CNTN5: variants seen among roughly 807,000 people sequenced by gnomAD.
CNTN5 encodes the protein contactin-5.
A neutral mutation model predicts 129.1 loss-of-function variants in CNTN5; 77 were observed. The ratio of observed to expected loss-of-function variants is 0.60; its 90% CI spans 0.50 to 0.72. CNTN5 has a LOEUF of 0.72. Ranked by LOEUF, CNTN5 falls within the 30% of genes least tolerant of loss-of-function variation. CNTN5 has a pLI of 0.00. For missense variants in CNTN5, 1,478 were observed against 1,328.8 expected (o/e 1.11, Z -1.75); for synonymous variants, 509 against 465.6 (o/e 1.09, Z -1.20).
chr11:100,062,909 T>C (rs1406890609), intron 10 of CNTN5, among the ~76,000 whole-genome samples: 1 of 152,158 alleles, frequency 6.6e-6, no homozygotes, highest in Non-Finnish European at 1.5e-5. Context: ...CAAAGATTAA[T>C]GTTAAAATAC....
chr11:99,498,893 A>T (rs1946326948), intron 2 of CNTN5, among the ~76,000 whole-genome samples: 1 of 152,148 alleles, frequency 6.6e-6, no homozygotes, highest in African/African-American at 2.4e-5. Context: ...TAATTTTAGG[A>T]TGAAACTGAC....
At chr11:99,156,896 G>T (rs886701695) in intron 1 of CNTN5, among the ~76,000 whole-genome samples, 1 of 152,086 alleles carries the variant, frequency 6.6e-6, no homozygotes, top group East Asian at 1.9e-4. Flanking sequence ...TTCAATAACA[G>T]CATTTAATGG....
intron 8 of CNTN5, among the ~76,000 whole-genome samples, chr11:99,963,186 G>T (rs1003115155): frequency 1.4e-4 from 22 of 152,170 alleles, no homozygotes; most frequent in African/African-American, 1.9e-4. Context: ...GTCAATTTTG[G>T]CTTTTGTTGC....
intron 7 of CNTN5, among the ~76,000 whole-genome samples, chr11:99,950,407 G>A (rs1950645747): frequency 6.6e-6 from 1 of 152,222 alleles, no homozygotes; most frequent in East Asian, 1.9e-4. Flanking sequence ...CGTGAACCTG[G>A]TAGGCGGAGC....
intron 1 of CNTN5, among the ~76,000 whole-genome samples, chr11:99,197,063 A>G (rs961320994): frequency 3.3e-5 from 5 of 151,980 alleles, no homozygotes; most frequent in African/African-American, 1.2e-4. Context: ...AGTTTAGCAG[A>G]GAAAAATGAC....
intron 1 of CNTN5, among the ~76,000 whole-genome samples, chr11:99,214,719 T>G (rs1197678157): frequency 2.0e-5 from 3 of 152,082 alleles, no homozygotes; most frequent in Admixed American, 2.0e-4. Context: ...TTTTACACAT[T>G]ACTCTCAATG....
At chr11:99,561,876 T>G (rs754507586) in intron 3 of CNTN5, among the ~76,000 whole-genome samples, 1 of 152,126 alleles carries the variant, frequency 6.6e-6, no homozygotes, top group Non-Finnish European at 1.5e-5. Context: ...TAAGGAAATG[T>G]CAGTCAAGTA....
At chr11:99,690,772 T>C (rs537328922) in intron 3 of CNTN5, among the ~76,000 whole-genome samples, 1 of 152,132 alleles carries the variant, frequency 6.6e-6, no homozygotes, top group South Asian at 2.1e-4. Flanking sequence ...GATGGCCTCA[T>C]AGAACGAGTT....
At chr11:99,203,774 T>A (rs1859338251) in intron 1 of CNTN5, among the ~76,000 whole-genome samples, 1 of 152,126 alleles carries the variant, frequency 6.6e-6, no homozygotes, top group South Asian at 2.1e-4. Flanking sequence ...ATTTTTTGTA[T>A]TTTTAGTAGA....
intron 3 of CNTN5, among the ~76,000 whole-genome samples, chr11:99,785,008 C>T (rs1482124629): frequency 6.6e-6 from 1 of 151,696 alleles, no homozygotes; most frequent in Non-Finnish European, 1.5e-5. Flanking sequence ...ACCATGTTAG[C>T]CAGGATGATC....
At chr11:100,331,218 G>A (rs930195600) in intron 21 of CNTN5, among the ~76,000 whole-genome samples, 1 of 152,042 alleles carries the variant, frequency 6.6e-6, no homozygotes, top group East Asian at 1.9e-4. Flanking sequence ...TAAAGCAACA[G>A]CAGTTTAAAA....
At chr11:99,448,569 T>C (rs959096949) in intron 2 of CNTN5, among the ~76,000 whole-genome samples, 1 of 151,856 alleles carries the variant, frequency 6.6e-6, no homozygotes, top group Non-Finnish European at 1.5e-5. Flanking sequence ...CAATTTTTTG[T>C]GACTATCAAG....
chr11:99,858,306 G>A (rs1948102005), intron 6 of CNTN5, among the ~76,000 whole-genome samples: 1 of 151,994 alleles, frequency 6.6e-6, no homozygotes, highest in South Asian at 2.1e-4. Context: ...CATAAACATA[G>A]TAAATCATCC....
intron 7 of CNTN5, among the ~76,000 whole-genome samples, chr11:99,933,812 A>G (rs1950243618): frequency 6.6e-6 from 1 of 152,206 alleles, no homozygotes; most frequent in Admixed American, 6.5e-5. Flanking sequence ...TTATCAGTTG[A>G]TGTACATTTC....
intron 7 of CNTN5, among the ~76,000 whole-genome samples, chr11:99,945,029 T>TA (rs1348875911): frequency 6.6e-6 from 1 of 152,076 alleles, no homozygotes; most frequent in African/African-American, 2.4e-5. Context: ...TCGCCCAATG[T>TA]AAAATGAAGC....
chr11:99,619,201 AC>A (rs1450698705), intron 3 of CNTN5, among the ~76,000 whole-genome samples: 22 of 152,050 alleles, frequency 1.4e-4, no homozygotes, highest in Non-Finnish European at 3.2e-4. Flanking sequence ...AAATCAAAAA[AC>A]TATATTAGAT....
intron 8 of CNTN5, among the ~76,000 whole-genome samples, chr11:99,981,103 T>TATATATATATATATAC (rs1014330113): frequency 9.7e-4 from 53 of 54,472 alleles, no homozygotes; most frequent in East Asian, 3.0e-3. Flanking sequence ...TATATATATA[T>TATATATATATATATAC]ACACACACAC....
chr11:99,311,421 G>C (rs1201707039), intron 1 of CNTN5, among the ~76,000 whole-genome samples: 3 of 151,994 alleles, frequency 2.0e-5, no homozygotes, highest in Admixed American at 6.6e-5. Context: ...GAGTTGTGTT[G>C]ACCTTATCAA....
intron 3 of CNTN5, among the ~76,000 whole-genome samples, chr11:99,682,350 T>G (rs1953593526): frequency 6.6e-6 from 1 of 151,750 alleles, no homozygotes; most frequent in African/African-American, 2.4e-5. Flanking sequence ...GTGGGGTACG[T>G]CATAGGTGAG....
Sources: gnomAD v4.1 joint callset for allele counts (sites outside exome capture counted in the v4.1 genomes callset) on GRCh38, gnomAD v4.1.1 for gene constraint, MANE v1.5 for transcripts, NCBI Gene and HGNC (gene_info 2026-07-23, HGNC 2026-07-21) for gene names.